CLIC4: variants seen among roughly 807,000 people sequenced by gnomAD.
CLIC4 encodes the protein CLIC family member 4.
Under a neutral mutation model 24.6 loss-of-function variants are expected in CLIC4, and 13 were observed. The observed-to-expected ratio is 0.53, with a 90% CI of 0.34 to 0.84. CLIC4 has a LOEUF of 0.84. CLIC4 is among the 40% of genes least tolerant of loss of function. CLIC4 has a pLI of 0.01. For missense variants in CLIC4, 227 were observed against 301.7 expected, an observed-to-expected ratio of 0.75 and a Z score of 1.83; for synonymous variants, 104 against 111.3, an observed-to-expected ratio of 0.93 and a Z score of 0.41.
intron 4 of CLIC4, among the ~76,000 whole-genome samples, chr1:24,836,787 G>A (rs1005002479): frequency 5.9e-5 from 9 of 152,178 alleles, no homozygotes; most frequent in African/African-American, 1.7e-4. Context: ...GCAGTGAGCC[G>A]AGATCGTGCC....
At chr1:24,767,037 A>G (rs1376900416) in intron 1 of CLIC4, among the ~76,000 whole-genome samples, 11 of 150,740 alleles carry the variant, frequency 7.3e-5, no homozygotes, top group African/African-American at 2.7e-4. Flanking sequence ...AAAAAAAAAA[A>G]AAAAAAAAAA....
chr1:24,811,781 G>A (rs1639618097), intron 2 of CLIC4, among the ~76,000 whole-genome samples: 2 of 152,148 alleles, frequency 1.3e-5, no homozygotes, highest in South Asian at 4.1e-4. Context: ...CACCCAGCCT[G>A]CCCCAGAGGC....
intron 4 of CLIC4, among the ~76,000 whole-genome samples, chr1:24,839,541 T>C (rs1022136723): frequency 5.3e-5 from 8 of 152,112 alleles, no homozygotes; most frequent in African/African-American, 1.9e-4. Flanking sequence ...CCTCGTGATC[T>C]GCCTGCCTCG....
intron 3 of CLIC4, 44 bp downstream of exon 3, chr1:24,814,263 T>G: frequency 6.3e-7 from 1 of 1,589,160 alleles, no homozygotes; most frequent in South Asian, 1.1e-5. Flanking sequence ...GTCACTTCTT[T>G]GAAGCTTGTG....
intron 2 of CLIC4, among the ~76,000 whole-genome samples, chr1:24,804,557 ATG>A (rs1000016406): frequency 9.9e-5 from 1 of 10,152 alleles, no homozygotes; most frequent in African/African-American, 4.9e-4. Flanking sequence ...GGGTGGGGGG[ATG>A]TGTGTACGTG....
chr1:24,798,567 AACATTCATACAT>A (rs1557805412), intron 2 of CLIC4, among the ~76,000 whole-genome samples: 6 of 152,182 alleles, frequency 3.9e-5, no homozygotes, highest in African/African-American at 1.4e-4. Flanking sequence ...TGAGGTGAAG[AACATTCATACAT>A]CCCCTTCCCC....
chr1:24,843,310 A>G lies in CLIC4; in HGVS notation c.*2373A>G, dbSNP rs1639961630. 1 of 152,238 alleles carries G rather than the reference A, an allele frequency of 6.6e-6. No homozygotes were observed. The allele number at this position is 152,238 out of a possible 1,614,324, so 9.4% of individuals were successfully genotyped here. A position where few individuals can be genotyped will look rare whatever the true frequency, so the allele number is the denominator to read the frequency against. Reference sequence around the variant, plus strand: ...AACCCCATTGTATGTTTGTGGAAAGAGCATAGTTTAACATCTTGAGAAATT... The same window carrying G: ...AACCCCATTGTATGTTTGTGGAAAGGGCATAGTTTAACATCTTGAGAAATT... On this transcript the variant is annotated 3_prime_UTR_variant, in exon 6 of 6. Transcript: ENST00000374379.
chr1:24,816,494 C>T (rs566233491), intron 3 of CLIC4, among the ~76,000 whole-genome samples: 4 of 152,212 alleles, frequency 2.6e-5, no homozygotes, highest in East Asian at 3.9e-4. Context: ...CCGCCCGTCT[C>T]GGCCTCCCAA....
At chr1:24,756,741 A>G (rs1638856330) in intron 1 of CLIC4, among the ~76,000 whole-genome samples, 1 of 151,864 alleles carries the variant, frequency 6.6e-6, no homozygotes, top group South Asian at 2.1e-4. Flanking sequence ...TTTTTTTTGA[A>G]ATGGAGTCTC....
At chr1:24,808,767 C>T (rs1639582713) in intron 2 of CLIC4, among the ~76,000 whole-genome samples, 1 of 151,156 alleles carries the variant, frequency 6.6e-6, no homozygotes, top group Non-Finnish European at 1.5e-5. Context: ...ACCTCCGCCT[C>T]TCGGGTTCAA....
rs141655032 is a variant in CLIC4 at position 24,806,467 on chromosome 1, C to T, written c.183-7627C>T. Among the ~76,000 whole-genome samples, 512 of 152,298 alleles carry T rather than the reference C, an allele frequency of 3.4e-3. 4 individuals are homozygous for T. Among genetic ancestry groups the T allele is most frequent in the African/African-American group, 0.012 (488 of 41,550 alleles). ...AGGACCTGCCATGGTTGTCTGTCAT[C>T]TCAACAGTTAATCCTTGGAAACAGT... is the stretch of plus-strand genomic sequence containing the variant. On this transcript the variant is annotated intron_variant, in intron 2 of 5. Transcript: ENST00000374379.
chr1:24,774,193 C>T (rs1280728194), intron 1 of CLIC4, among the ~76,000 whole-genome samples: 1 of 152,170 alleles, frequency 6.6e-6, no homozygotes, highest in East Asian at 2.0e-4. Context: ...CCAGGCTGGT[C>T]TTAAACTCCT....
intron 2 of CLIC4, 134 bp from the exon 3 acceptor site, chr1:24,813,960 T>G: frequency 1.1e-6 from 1 of 946,782 alleles, no homozygotes; most frequent in Non-Finnish European, 1.7e-6. Flanking sequence ...CTAAGCAGTG[T>G]CCCACCTCAG....
At chr1:24,829,384 TGATA>T (rs912392568) in intron 4 of CLIC4, among the ~76,000 whole-genome samples, 49 of 152,284 alleles carry the variant, frequency 3.2e-4, no homozygotes, top group Middle Eastern at 3.4e-3. Flanking sequence ...GAGACACTGA[TGATA>T]GATAGATAAC....
At chr1:24,806,472 C>T (rs1387447361) in intron 2 of CLIC4, among the ~76,000 whole-genome samples, 2 of 152,142 alleles carry the variant, frequency 1.3e-5, no homozygotes, top group African/African-American at 2.4e-5. Flanking sequence ...GTCATCTCAA[C>T]AGTTAATCCT....
chr1:24,761,703 G>A (rs962444667), intron 1 of CLIC4, among the ~76,000 whole-genome samples: 7 of 152,112 alleles, frequency 4.6e-5, no homozygotes, highest in African/African-American at 1.7e-4. Context: ...ATTTAAGGGA[G>A]GCAAGAGTGG....
At position 24,759,913 on chromosome 1, in the gene CLIC4, A is replaced by G. The variant is rs551336628; in HGVS notation, c.72+14288A>G. Among the ~76,000 whole-genome samples, 45 of 152,030 alleles carry G rather than the reference A, an allele frequency of 3.0e-4. No individual in the cohort carries two copies. In the South Asian group the frequency reaches 9.1e-3, roughly 31 times the overall value. ...AGGCCACAGTGAGTAGTAATCCATA[A>G]TCGTGTCACTGCCCTCCAGCCTGGG... On this transcript the variant is annotated intron_variant, in intron 1 of 5. Transcript: ENST00000374379.
At chr1:24,809,625 T>A (rs1639592073) in intron 2 of CLIC4, among the ~76,000 whole-genome samples, 1 of 152,172 alleles carries the variant, frequency 6.6e-6, no homozygotes, top group Non-Finnish European at 1.5e-5. Context: ...TACACCCAGC[T>A]AATTTTTATA....
chr1:24,795,821 G>A (rs2124129431), intron 1 of CLIC4, among the ~76,000 whole-genome samples: 1 of 152,336 alleles, frequency 6.6e-6, no homozygotes, highest in South Asian at 2.1e-4. Context: ...GCCCGCCTTG[G>A]CCTCCCAAAG....
Sources: allele counts gnomAD v4.1 joint callset (sites outside exome capture counted in the v4.1 genomes callset), GRCh38; gene constraint gnomAD v4.1.1; transcripts MANE v1.5; gene names NCBI Gene and HGNC (gene_info 2026-07-23, HGNC 2026-07-21).